Variants in GRID1 observed in about 807,000 individuals in gnomAD.
GRID1 encodes glutamate receptor ionotropic, delta-1.
Under a neutral mutation model 98.0 loss-of-function variants are expected in GRID1, and 28 were observed. That is an observed-to-expected ratio of 0.29 (90% CI 0.21 to 0.39). The LOEUF is 0.39. GRID1 is among the 10% of genes least tolerant of loss of function. The pLI, the probability that GRID1 is intolerant of heterozygous loss-of-function variation, is 1.00. For missense variants in GRID1, 1,111 were observed against 1,340.5 expected (o/e 0.83, Z 2.67); for synonymous variants, 553 against 538.5 (o/e 1.03, Z -0.37).
At chr10:86,328,225 T>C (rs1402884364) in intron 2 of GRID1, among the ~76,000 whole-genome samples, 5 of 152,270 alleles carry the variant, frequency 3.3e-5, no homozygotes, top group Admixed American at 1.3e-4. Context: ...GTGTGTAGGT[T>C]ACATTTCTCT....
At chr10:85,706,694 C>A (rs956988736) in intron 12 of GRID1, among the ~76,000 whole-genome samples, 25 of 152,166 alleles carry the variant, frequency 1.6e-4, no homozygotes, top group Non-Finnish European at 3.4e-4. Flanking sequence ...AGGCATCATG[C>A]TACCTGACTT....
At chr10:85,790,508 T>C (rs1842468380) in intron 8 of GRID1, among the ~76,000 whole-genome samples, 1 of 152,160 alleles carries the variant, frequency 6.6e-6, no homozygotes, top group Non-Finnish European at 1.5e-5. Context: ...AGGATGTTTC[T>C]ATCAAAGGAA....
At chr10:86,015,146 C>T (rs1564650299) in intron 4 of GRID1, among the ~76,000 whole-genome samples, 1 of 152,228 alleles carries the variant, frequency 6.6e-6, no homozygotes, top group Non-Finnish European at 1.5e-5. Context: ...TCCATCTCCT[C>T]AAAGTCTCAT....
At chr10:85,774,938 A>T (rs536757514) in intron 8 of GRID1, among the ~76,000 whole-genome samples, 54 of 151,746 alleles carry the variant, frequency 3.6e-4, no homozygotes, top group African/African-American at 1.3e-3. Context: ...GGGATCTAGA[A>T]CTAGAAATAC....
intron 6 of GRID1, among the ~76,000 whole-genome samples, chr10:85,867,314 A>G (rs189598616): frequency 5.3e-5 from 8 of 152,322 alleles, no homozygotes; most frequent in African/African-American, 1.9e-4. Context: ...ACTAAGACCT[A>G]GAGAATGATT....
At chr10:85,966,856 A>G (rs978719424) in intron 4 of GRID1, among the ~76,000 whole-genome samples, 2 of 151,936 alleles carry the variant, frequency 1.3e-5, no homozygotes, top group African/African-American at 4.8e-5. Context: ...ACCAAGTATT[A>G]GCTGACTACT....
chr10:85,935,498 C>T (rs1422771500), intron 4 of GRID1, among the ~76,000 whole-genome samples: 1 of 152,230 alleles, frequency 6.6e-6, no homozygotes, highest in African/African-American at 2.4e-5. Flanking sequence ...TGACCCTCCA[C>T]ATGCCTCAGA....
At chr10:85,808,972 A>G (rs144426152) in intron 8 of GRID1, among the ~76,000 whole-genome samples, 2 of 152,276 alleles carry the variant, frequency 1.3e-5, no homozygotes, top group Non-Finnish European at 2.9e-5. Flanking sequence ...TTATGCTTGT[A>G]TGTCAAAGAA....
chr10:85,973,859 G>T (rs1457069632), intron 4 of GRID1, among the ~76,000 whole-genome samples: 1 of 152,200 alleles, frequency 6.6e-6, no homozygotes, highest in African/African-American at 2.4e-5. Flanking sequence ...TCTGAAGTCA[G>T]ATTATGTGGA....
chr10:85,636,240 C>G (rs947676963), intron 13 of GRID1, among the ~76,000 whole-genome samples: 1 of 152,154 alleles, frequency 6.6e-6, no homozygotes, highest in Non-Finnish European at 1.5e-5. Flanking sequence ...TATACTGTCC[C>G]AAGTCGGTTT....
intron 7 of GRID1, among the ~76,000 whole-genome samples, chr10:85,855,201 G>A (rs1468181015): frequency 6.6e-6 from 1 of 152,200 alleles, no homozygotes; most frequent in African/African-American, 2.4e-5. Context: ...AAGACTAAAG[G>A]AGAAAATATG....
intron 2 of GRID1, among the ~76,000 whole-genome samples, chr10:86,261,309 C>T (rs551511642): frequency 6.4e-4 from 98 of 152,368 alleles, no homozygotes; most frequent in African/African-American, 2.0e-3. Context: ...AGAAAAAGGG[C>T]CCCCAGGACC....
At position 85,916,518 on chromosome 10, in the gene GRID1, A is replaced by G. The variant is rs1841623061; in HGVS notation, c.727-279T>C. 6.6e-6 allele frequency among the ~76,000 whole-genome samples: 1 copy of G among 152,204 alleles called. No homozygotes were observed. ...GCAGGCAGCACAGGGTCACAGGCAC[A>G]GGCACAGGCACAGCCCCCCTTCCCT... On this transcript the variant is annotated intron_variant, in intron 4 of 15. Coordinates refer to ENST00000327946, the MANE Select transcript of GRID1 (RefSeq NM_017551.3). The surrounding 1 kb of genome is among the most constrained non-coding windows in gnomAD (Gnocchi z 4.0).
intron 6 of GRID1, among the ~76,000 whole-genome samples, chr10:85,860,338 G>A (rs937502813): frequency 6.6e-6 from 1 of 152,350 alleles, no homozygotes; most frequent in Middle Eastern, 3.4e-3. Flanking sequence ...AGCATTCCAG[G>A]TAAGAGTAAA....
chr10:85,792,395 C>T (rs1842488638), intron 8 of GRID1, among the ~76,000 whole-genome samples: 1 of 152,184 alleles, frequency 6.6e-6, no homozygotes, highest in Admixed American at 6.5e-5. Context: ...TGGAGGGAGC[C>T]CTGGCGAGGT....
chr10:85,736,037 G>T (rs199932605), intron 8 of GRID1, among the ~76,000 whole-genome samples: 1 of 140,184 alleles, frequency 7.1e-6, no homozygotes, highest in Non-Finnish European at 1.5e-5. Flanking sequence ...GAGGGAAGTA[G>T]GGAGGGAGAA....
intron 4 of GRID1, among the ~76,000 whole-genome samples, chr10:86,055,575 T>C (rs1350334607): frequency 6.6e-6 from 1 of 152,088 alleles, no homozygotes; most frequent in East Asian, 1.9e-4. Context: ...AAACCCTGTC[T>C]CTACAAAAAA....
At chr10:85,987,390 C>T (rs1422335368) in intron 4 of GRID1, among the ~76,000 whole-genome samples, 7 of 134,394 alleles carry the variant, frequency 5.2e-5, no homozygotes, top group Non-Finnish European at 1.1e-4. Context: ...GCCTTACCTT[C>T]CCCCTAGCTA....
intron 3 of GRID1, among the ~76,000 whole-genome samples, chr10:86,190,360 G>T (rs1478836331): frequency 6.6e-6 from 1 of 152,198 alleles, no homozygotes; most frequent in African/African-American, 2.4e-5. Context: ...CTGTGCACAG[G>T]CTCCAGTGCA....
Sources: allele counts gnomAD v4.1 joint callset (sites outside exome capture counted in the v4.1 genomes callset), GRCh38; gene constraint gnomAD v4.1.1; non-coding constraint Gnocchi (gnomAD v3.1); transcripts MANE v1.5; gene names NCBI Gene and HGNC (gene_info 2026-07-23, HGNC 2026-07-21).